Variants in PTPRM observed in about 807,000 individuals in gnomAD.
PTPRM encodes the protein receptor-type tyrosine-protein phosphatase mu.
A neutral mutation model predicts 186.7 loss-of-function variants in PTPRM; 47 were observed. The ratio of observed to expected loss-of-function variants is 0.25; its 90% CI spans 0.20 to 0.32. PTPRM has a LOEUF of 0.32. PTPRM is among the 10% of genes least tolerant of loss of function. PTPRM has a pLI of 1.00. For missense variants in PTPRM, 1,494 were observed against 1,865.0 expected (o/e 0.80, Z 3.66); for synonymous variants, 668 against 674.9 (o/e 0.99, Z 0.16).
chr18:8,379,427 C>T (rs553545245), intron 28 of PTPRM, 87 bp downstream of exon 28: 4 of 1,314,226 alleles, frequency 3.0e-6, no homozygotes, highest in African/African-American at 3.0e-5. Context: ...ATTCTGCTCA[C>T]CAGCCCTTTT....
chr18:8,312,866 C>G (rs1269029923), intron 20 of PTPRM, among the ~76,000 whole-genome samples: 1 of 152,176 alleles, frequency 6.6e-6, no homozygotes, highest in African/African-American at 2.4e-5. Context: ...TGGTAAGGCA[C>G]TGACATGAAA....
chr18:7,676,627 CTGTGTGTGTG>C (rs751900694), intron 1 of PTPRM, among the ~76,000 whole-genome samples: 142 of 141,500 alleles, frequency 1.0e-3, no homozygotes, highest in African/African-American at 3.3e-3. Context: ...GAGATTCTAG[CTGTGTGTGTG>C]TGTGTGTGTG....
At chr18:8,083,526 T>G (rs964791410) in intron 9 of PTPRM, among the ~76,000 whole-genome samples, 2 of 152,140 alleles carry the variant, frequency 1.3e-5, no homozygotes, top group African/African-American at 4.8e-5. Flanking sequence ...ATAACCTCTC[T>G]CCCCTGACAG....
chr18:7,949,419 C>T, intron 6 of PTPRM, 64 bp downstream of exon 6: 1 of 1,392,980 alleles, frequency 7.2e-7, no homozygotes, highest in Non-Finnish European at 9.8e-7. Flanking sequence ...GTTGTTAGTT[C>T]ATTATCCCTT....
intron 1 of PTPRM, among the ~76,000 whole-genome samples, chr18:7,607,824 A>G (rs1299663034): frequency 6.6e-6 from 1 of 152,176 alleles, no homozygotes; most frequent in Non-Finnish European, 1.5e-5. Flanking sequence ...CTCTCTTCGT[A>G]TATCAAAGCC....
chr18:8,100,832 T>A (rs1048943413), intron 11 of PTPRM, among the ~76,000 whole-genome samples: 1 of 152,236 alleles, frequency 6.6e-6, no homozygotes, highest in South Asian at 2.1e-4. Flanking sequence ...CTATTCAGTC[T>A]TTATGCCCAT....
In PTPRM at chr18:8,181,606, G is replaced by A. The variant is rs73389796; in HGVS notation, c.2300+37827G>A. Among the ~76,000 whole-genome samples, 1,460 of 152,262 alleles carry A rather than the reference G, an allele frequency of 9.6e-3. 21 individuals carry two copies. Among genetic ancestry groups the A allele is most frequent in the African/African-American group, 0.033 (1,373 of 41,538 alleles). On this transcript the variant is annotated intron_variant, in intron 14 of 32. Transcript: ENST00000580170. ...TGTCTTGGGCAACTGTACTTCTGCC[G>A]GAGTTAATAGCATTTTCTGCTGCTT...
At chr18:7,980,242 T>A (rs1161252732) in intron 7 of PTPRM, among the ~76,000 whole-genome samples, 2 of 152,150 alleles carry the variant, frequency 1.3e-5, no homozygotes, top group African/African-American at 4.8e-5. Context: ...TCATGTACTC[T>A]CTTTCCTAGG....
At chr18:8,044,589 T>C (rs2086901904) in intron 7 of PTPRM, among the ~76,000 whole-genome samples, 1 of 151,728 alleles carries the variant, frequency 6.6e-6, no homozygotes, top group Non-Finnish European at 1.5e-5. Flanking sequence ...AAACCCCATC[T>C]CTACTAAAAA....
chr18:8,126,000 TATATATATATATATATATATATATA>T lies in PTPRM; in HGVS notation c.2167+11174_2167+11198del, dbSNP rs1267815610. 2.5e-4 allele frequency among the ~76,000 whole-genome samples: 4 copies of T among 16,314 alleles called. 1 individual carries two copies. The highest frequency in any genetic ancestry group is 4.6e-4 in the African/African-American group (4 of 8,670). 10.7% of individuals were successfully genotyped at this position (16,314 alleles called of 152,430 possible). The stretch of plus-strand genomic sequence containing the variant: ...ACATATATATATATATATATATATA[TATATATATATATATATATATATATA>T]TATTTTAAATCAGTAGACCTTTCCA... On this transcript the variant is annotated intron_variant, in intron 13 of 32. Coordinates refer to ENST00000580170, the MANE Select transcript of PTPRM (RefSeq NM_001105244.2).
intron 4 of PTPRM, among the ~76,000 whole-genome samples, chr18:7,924,780 A>G (rs1017974822): frequency 3.9e-5 from 6 of 152,218 alleles, no homozygotes; most frequent in African/African-American, 1.2e-4. Flanking sequence ...CATGGAAGGA[A>G]CAGCATTTGA....
chr18:8,160,725 T>C (rs2093214485), intron 14 of PTPRM, among the ~76,000 whole-genome samples: 2 of 152,216 alleles, frequency 1.3e-5, no homozygotes, highest in African/African-American at 2.4e-5. Flanking sequence ...AGCCTAGTAA[T>C]TTATTCAGGA....
chr18:7,862,511 C>G (rs1423691574), intron 2 of PTPRM, among the ~76,000 whole-genome samples: 1 of 152,096 alleles, frequency 6.6e-6, no homozygotes, highest in Non-Finnish European at 1.5e-5. Context: ...TTTCTGGACC[C>G]TTTGAATTTT....
chr18:8,034,356 C>T (rs1038467291), intron 7 of PTPRM, among the ~76,000 whole-genome samples: 1 of 152,098 alleles, frequency 6.6e-6, no homozygotes, highest in Non-Finnish European at 1.5e-5. Context: ...ATCTTCAACT[C>T]AAAAGTACCA....
intron 19 of PTPRM, among the ~76,000 whole-genome samples, chr18:8,287,737 ACT>A (rs2094973052): frequency 6.6e-6 from 1 of 152,132 alleles, no homozygotes; most frequent in Non-Finnish European, 1.5e-5. Context: ...AACCTCCCAA[ACT>A]CTGGCAATAT....
chr18:8,089,747 T>A (rs1328517909), intron 11 of PTPRM, among the ~76,000 whole-genome samples: 1 of 152,180 alleles, frequency 6.6e-6, no homozygotes, highest in African/African-American at 2.4e-5. Flanking sequence ...CTGGCTATAT[T>A]TGATCATGTT....
chr18:7,655,701 A>G (rs886904384), intron 1 of PTPRM, among the ~76,000 whole-genome samples: 32 of 152,226 alleles, frequency 2.1e-4, no homozygotes. Context: ...ATATTACTCA[A>G]TGCTAAGAAG....
At chr18:8,168,492 C>T (rs1040706139) in intron 14 of PTPRM, among the ~76,000 whole-genome samples, 2 of 152,108 alleles carry the variant, frequency 1.3e-5, no homozygotes, top group African/African-American at 4.8e-5. Flanking sequence ...TAATTTTTTT[C>T]TCTCTCTCAC....
At chr18:8,278,034 G>C (rs751119750) in intron 19 of PTPRM, among the ~76,000 whole-genome samples, 5 of 152,178 alleles carry the variant, frequency 3.3e-5, no homozygotes, top group Non-Finnish European at 7.3e-5. Context: ...TTCATTTCCA[G>C]ATTGTGAACA....
Sources: gnomAD v4.1 joint callset for allele counts (sites outside exome capture counted in the v4.1 genomes callset) on GRCh38, gnomAD v4.1.1 for gene constraint, MANE v1.5 for transcripts, NCBI Gene and HGNC (gene_info 2026-07-23, HGNC 2026-07-21) for gene names.